Variants in TOM1L2 observed in about 807,000 individuals in gnomAD.
TOM1L2 encodes the protein TOM1-like protein 2.
In TOM1L2, 31 loss-of-function variants were observed where a neutral mutation model predicts 67.9. That is an observed-to-expected ratio of 0.46 (90% CI 0.34 to 0.62). The LOEUF is 0.62. Ranked by LOEUF, TOM1L2 falls within the 20% of genes least tolerant of loss-of-function variation. The probability of loss-of-function intolerance (pLI) is 0.01; values close to 1 mark genes in which losing one functional copy is unlikely to be tolerated. For missense variants in TOM1L2, 606 were observed against 663.5 expected (o/e 0.91, Z 0.95); for synonymous variants, 256 against 254.0 (o/e 1.01, Z -0.07).
chr17:17,917,146 T>G (rs1274641615), intron 1 of TOM1L2, among the ~76,000 whole-genome samples: 6 of 146,436 alleles, frequency 4.1e-5, no homozygotes, highest in Non-Finnish European at 6.0e-5. Context: ...GGAGACAGAG[T>G]GAAACTCCAT....
At chr17:17,853,268 G>A (rs1167502045) in intron 12 of TOM1L2, among the ~76,000 whole-genome samples, 2 of 152,224 alleles carry the variant, frequency 1.3e-5, no homozygotes, top group Non-Finnish European at 2.9e-5. Flanking sequence ...CGGTTAGAGT[G>A]TGCACCAGCC....
chr17:17,866,811 G>T, intron 9 of TOM1L2, 65 bp downstream of exon 9: 2 of 1,464,084 alleles, frequency 1.4e-6, no homozygotes, highest in Non-Finnish European at 1.9e-6. Context: ...GGTCTCTCCA[G>T]CCTCCAAAAC....
intron 12 of TOM1L2, among the ~76,000 whole-genome samples, chr17:17,856,549 T>G (rs2036261141): frequency 6.6e-6 from 1 of 152,254 alleles, no homozygotes; most frequent in Admixed American, 6.5e-5. Context: ...GTGGACCCTG[T>G]GCTGCTTGCA....
intron 12 of TOM1L2, among the ~76,000 whole-genome samples, chr17:17,854,078 C>G (rs2036137531): frequency 6.6e-6 from 1 of 152,334 alleles, no homozygotes. Flanking sequence ...AACAGTTAAG[C>G]TTATATAACG....
chr17:17,901,019 C>T (rs2038826502), intron 2 of TOM1L2, among the ~76,000 whole-genome samples: 1 of 152,148 alleles, frequency 6.6e-6, no homozygotes, highest in Non-Finnish European at 1.5e-5. Flanking sequence ...TGGCAGAGGA[C>T]CAGCACACTC....
intron 4 of TOM1L2, among the ~76,000 whole-genome samples, chr17:17,886,871 A>G (rs1225628150): frequency 6.6e-6 from 1 of 152,242 alleles, no homozygotes; most frequent in Admixed American, 6.5e-5. Flanking sequence ...AGTTGGGCCA[A>G]TCAGATGCTC....
In TOM1L2 at chr17:17,877,658, C is replaced by T. The variant is rs188247405; in HGVS notation, c.777+1969G>A. On this transcript the variant is annotated intron_variant, in intron 7 of 14. Transcript: ENST00000379504. ...TGTTCACGGCTGTCCACAGTGCTGC[C>T]CAGCTCCTGAATCTGCTGTTGCTGG... Among the ~76,000 whole-genome samples, 630 of 152,252 alleles carry T rather than the reference C, an allele frequency of 4.1e-3. 3 individuals are homozygous for T. The highest frequency in any genetic ancestry group is 0.014 in the Middle Eastern group (4 of 294).
chr17:17,930,051 T>A (rs1270025263), intron 1 of TOM1L2, among the ~76,000 whole-genome samples: 1 of 152,118 alleles, frequency 6.6e-6, no homozygotes, highest in Non-Finnish European at 1.5e-5. Flanking sequence ...AAGAGCACCA[T>A]GGTTAAGACA....
rs2035560723 is a variant in TOM1L2, at chr17:17,844,877, T to G, written c.*2758A>C. The G allele has an allele frequency of 6.6e-6, 1 of 152,444 alleles. No individual in the cohort carries two copies. Among genetic ancestry groups the G allele is most frequent in the African/African-American group, 2.4e-5 (1 of 41,468 alleles). The allele number at this position is 152,444 out of a possible 1,614,324, so 9.4% of individuals were successfully genotyped here. ...ACCTATAATCAGGTATAATTAGTGC[T>G]TATAAGGAATCCCAGCAATAATTTA... On this transcript the variant is annotated 3_prime_UTR_variant, in exon 15 of 15. Coordinates refer to ENST00000379504, the MANE Select transcript of TOM1L2 (RefSeq NM_001082968.2).
intron 4 of TOM1L2, 148 bp downstream of exon 4, chr17:17,893,513 T>A (rs2038396753): frequency 1.3e-6 from 1 of 756,790 alleles, no homozygotes; most frequent in Non-Finnish European, 2.0e-6. Context: ...GGGATGAGAA[T>A]TTTTTTTGAA....
rs1555581608 is a variant in TOM1L2, at chr17:17,858,226, A to ATTTTTTCT, written c.1278+3249_1278+3250insAGAAAAAA. 156 of 157,374 alleles carry ATTTTTTCT rather than the reference A, an allele frequency of 9.9e-4. 1 individual carries two copies. The highest frequency in any genetic ancestry group is 3.5e-3 in the African/African-American group (145 of 40,890). 9.7% of individuals were successfully genotyped at this position (157,374 alleles called of 1,614,324 possible). A position where few individuals can be genotyped will look rare whatever the true frequency, so the allele number is the denominator to read the frequency against. ...AATTCTACTTTTTTCTTTTTCCTAC[A>ATTTTTTCT]TTTTTTTTTTCTCTTTTCTAGTGGC... On this transcript the variant is annotated intron_variant, in intron 12 of 14. Transcript: ENST00000379504.
At chr17:17,912,318 T>TG (rs2039407350) in intron 1 of TOM1L2, among the ~76,000 whole-genome samples, 1 of 150,902 alleles carries the variant, frequency 6.6e-6, no homozygotes, top group African/African-American at 2.4e-5. Flanking sequence ...ACGGGGTGGC[T>TG]GCCGGGCGGA....
At chr17:17,909,270 A>G (rs2039235480) in intron 1 of TOM1L2, among the ~76,000 whole-genome samples, 1 of 152,142 alleles carries the variant, frequency 6.6e-6, no homozygotes, top group Non-Finnish European at 1.5e-5. Flanking sequence ...AAAGAACTGA[A>G]AGCAGGGCCT....
rs76612598 is a variant in TOM1L2 at position 17,941,805 on chromosome 17, T to C, written c.52+30457A>G. Among the ~76,000 whole-genome samples, 84 of 152,306 alleles carry C rather than the reference T, an allele frequency of 5.5e-4. No individual in the cohort carries two copies. In the East Asian group the frequency reaches 0.014, roughly 25 times the overall value. ...GAAAAACAAAAATCCACAGATAACC[T>C]ATGAACCTCATTTTGCCTTAAAGAG... On this transcript the variant is annotated intron_variant, in intron 1 of 14. Coordinates refer to ENST00000379504, the MANE Select transcript of TOM1L2 (RefSeq NM_001082968.2).
chr17:17,914,813 C>CT (rs997483348), intron 1 of TOM1L2, among the ~76,000 whole-genome samples: 3 of 152,102 alleles, frequency 2.0e-5, no homozygotes, highest in Admixed American at 6.6e-5. Context: ...GTGGTCAAGT[C>CT]TTTGAGTCTT....
intron 1 of TOM1L2, among the ~76,000 whole-genome samples, chr17:17,969,057 C>CTTT (rs563818412): frequency 4.3e-5 from 6 of 140,744 alleles, no homozygotes; most frequent in Admixed American, 1.4e-4. Context: ...ACCAGCTCTC[C>CTTT]TTTTTTTTTT....
intron 2 of TOM1L2, among the ~76,000 whole-genome samples, chr17:17,900,521 C>CA (rs546614872): frequency 0.17 from 9,676 of 58,270 alleles, 1,117 homozygotes; most frequent in African/African-American, 0.37. Flanking sequence ...GACTCCATCT[C>CA]AAAAAAAAAA....
intron 12 of TOM1L2, among the ~76,000 whole-genome samples, chr17:17,853,545 T>C (rs1222454218): frequency 6.6e-6 from 1 of 152,218 alleles, no homozygotes; most frequent in Non-Finnish European, 1.5e-5. Context: ...ATTCCTCACC[T>C]CCTCAAAAAT....
At chr17:17,947,982 T>C (rs559179399) in intron 1 of TOM1L2, among the ~76,000 whole-genome samples, 1 of 152,276 alleles carries the variant, frequency 6.6e-6, no homozygotes, top group African/African-American at 2.4e-5. Flanking sequence ...AGAAATACTT[T>C]TGATGGAGGA....
Sources: gnomAD v4.1 joint callset for allele counts (sites outside exome capture counted in the v4.1 genomes callset) on GRCh38, gnomAD v4.1.1 for gene constraint, MANE v1.5 for transcripts, NCBI Gene and HGNC (gene_info 2026-07-23, HGNC 2026-07-21) for gene names.